The following NKAIN2 variants were observed in gnomAD, a reference collection of about 807,000 sequenced individuals.
The protein encoded by NKAIN2 is sodium/potassium transporting ATPase interacting 2.
In NKAIN2, 14 loss-of-function variants were observed where a neutral mutation model predicts 32.6. The ratio of observed to expected loss-of-function variants is 0.43; its 90% confidence interval spans 0.28 to 0.67. The LOEUF (loss-of-function observed/expected upper bound fraction) is 0.67. Ranked by LOEUF, NKAIN2 falls within the 30% of genes least tolerant of loss-of-function variation. NKAIN2 has a pLI of 0.17. For synonymous variants in NKAIN2, 80 were observed against 87.2 expected, an observed-to-expected ratio of 0.92 and a Z score of 0.46; for missense variants, 198 against 258.3, an observed-to-expected ratio of 0.77 and a Z score of 1.60.
rs190789862 is a variant in NKAIN2, at chr6:124,440,910, G to A, written c.273+85563G>A. On this transcript the variant is annotated intron_variant, in intron 3 of 6. Coordinates refer to ENST00000368417, the MANE Select transcript of NKAIN2 (RefSeq NM_001040214.3). ...GTTCTCTAGGAATGATTGTAAGTAG[G>A]TCCATTCCTACTTTGACTCCATAGT... Among the ~76,000 whole-genome samples, 74 of 152,134 alleles carry A rather than the reference G, an allele frequency of 4.9e-4. 1 individual carries two copies. The highest frequency in any genetic ancestry group is 3.3e-3 in the Admixed American group (51 of 15,254).
At chr6:124,006,487 G>A (rs1035129874) in intron 1 of NKAIN2, among the ~76,000 whole-genome samples, 6 of 152,156 alleles carry the variant, frequency 3.9e-5, no homozygotes, top group African/African-American at 9.7e-5. Context: ...TAGCTTATGC[G>A]GTGCATGTGA....
intron 3 of NKAIN2, among the ~76,000 whole-genome samples, chr6:124,441,153 C>G (rs1329170978): frequency 6.6e-6 from 1 of 151,918 alleles, no homozygotes. Flanking sequence ...ACACTTCTAC[C>G]CCTCTTTTCT....
intron 1 of NKAIN2, among the ~76,000 whole-genome samples, chr6:123,833,726 T>TG (rs1554211809): frequency 7.3e-5 from 11 of 150,126 alleles, no homozygotes; most frequent in African/African-American, 2.7e-4. Context: ...TGTGTGTGTG[T>TG]TTCCTGTGGA....
chr6:124,487,179 A>G (rs558788388), intron 3 of NKAIN2, among the ~76,000 whole-genome samples: 1 of 152,236 alleles, frequency 6.6e-6, no homozygotes, highest in African/African-American at 2.4e-5. Context: ...ATTTCTTTAT[A>G]TATCTAGATG....
chr6:124,751,812 CAATAAATAAATAAATA>C (rs10665653), intron 4 of NKAIN2, among the ~76,000 whole-genome samples: 1 of 134,068 alleles, frequency 7.5e-6, no homozygotes, highest in Admixed American at 7.7e-5. Context: ...GACCCCATCT[CAATAAATAAATAAATA>C]AATAAATAAA....
At chr6:123,910,932 A>G (rs1269089437) in intron 1 of NKAIN2, among the ~76,000 whole-genome samples, 1 of 152,126 alleles carries the variant, frequency 6.6e-6, no homozygotes, top group African/African-American at 2.4e-5. Flanking sequence ...CCGTAACTAT[A>G]CTTTTTAGCT....
At chr6:124,266,971 G>A (rs529812315) in intron 1 of NKAIN2, among the ~76,000 whole-genome samples, 57 of 152,226 alleles carry the variant, frequency 3.7e-4, no homozygotes, top group African/African-American at 1.4e-3. Flanking sequence ...AAGAATTAAC[G>A]AAGTCCAATC....
intron 4 of NKAIN2, among the ~76,000 whole-genome samples, chr6:124,695,654 T>G (rs1033944812): frequency 1.3e-5 from 2 of 152,222 alleles, no homozygotes; most frequent in South Asian, 2.1e-4. Flanking sequence ...ACATTTATTT[T>G]CAGAGGACTA....
chr6:124,034,294 C>G (rs1582964908), intron 1 of NKAIN2, among the ~76,000 whole-genome samples: 1 of 151,972 alleles, frequency 6.6e-6, no homozygotes, highest in South Asian at 2.1e-4. Context: ...CTCCCTCCCT[C>G]TTATGGAGTC....
intron 1 of NKAIN2, among the ~76,000 whole-genome samples, chr6:123,877,452 A>G (rs891211324): frequency 2.0e-5 from 3 of 152,178 alleles, no homozygotes; most frequent in Admixed American, 2.0e-4. Flanking sequence ...CTGTAATTGG[A>G]ATTTTAGATG....
intron 3 of NKAIN2, among the ~76,000 whole-genome samples, chr6:124,613,558 C>A (rs965032530): frequency 2.6e-4 from 39 of 152,090 alleles, no homozygotes; most frequent in Non-Finnish European, 1.8e-4. Flanking sequence ...TAAATACATG[C>A]CCTAGTCTCA....
chr6:124,735,338 A>G (rs1051051457), intron 4 of NKAIN2, among the ~76,000 whole-genome samples: 2 of 151,970 alleles, frequency 1.3e-5, no homozygotes, highest in Admixed American at 6.6e-5. Flanking sequence ...AAGTAGAGAT[A>G]ATCATAATCA....
intron 3 of NKAIN2, among the ~76,000 whole-genome samples, chr6:124,541,678 C>T (rs1779917924): frequency 6.6e-6 from 1 of 152,076 alleles, no homozygotes; most frequent in Non-Finnish European, 1.5e-5. Flanking sequence ...TTAAAACACC[C>T]ACCAATATTT....
chr6:124,508,021 G>C (rs2114765286), intron 3 of NKAIN2, among the ~76,000 whole-genome samples: 1 of 151,788 alleles, frequency 6.6e-6, no homozygotes, highest in South Asian at 2.1e-4. Context: ...GGCAGGCCAA[G>C]GCAGAAGGAT....
intron 1 of NKAIN2, among the ~76,000 whole-genome samples, chr6:124,193,127 G>A (rs9491083): frequency 1.3e-5 from 2 of 152,192 alleles, no homozygotes; most frequent in East Asian, 3.9e-4. Flanking sequence ...ATGTCTTCTA[G>A]ATTATGTTAT....
intron 1 of NKAIN2, among the ~76,000 whole-genome samples, chr6:123,841,229 A>G (rs921972597): frequency 1.3e-5 from 2 of 152,176 alleles, no homozygotes; most frequent in Non-Finnish European, 2.9e-5. Context: ...GAACTTTAAC[A>G]TAGCTCTCTC....
intron 2 of NKAIN2, among the ~76,000 whole-genome samples, chr6:124,328,831 A>G (rs907119073): frequency 6.6e-5 from 10 of 152,182 alleles, no homozygotes; most frequent in Admixed American, 1.3e-4. Flanking sequence ...TTTAAAAATA[A>G]GCCATACTGG....
chr6:124,592,051 A>G (rs1035671208), intron 3 of NKAIN2, among the ~76,000 whole-genome samples: 2 of 152,164 alleles, frequency 1.3e-5, no homozygotes, highest in Non-Finnish European at 2.9e-5. Flanking sequence ...CACTTTCTAT[A>G]CCAACTTTTT....
intron 1 of NKAIN2, among the ~76,000 whole-genome samples, chr6:124,082,638 A>G: frequency 6.7e-6 from 1 of 149,110 alleles, no homozygotes; most frequent in African/African-American, 2.5e-5. Context: ...TGGCCAATAT[A>G]AAAAAAAAAG....
Sources: gnomAD v4.1 joint callset for allele counts (sites outside exome capture counted in the v4.1 genomes callset) on GRCh38, gnomAD v4.1.1 for gene constraint, MANE v1.5 for transcripts, NCBI Gene and HGNC (gene_info 2026-07-23, HGNC 2026-07-21) for gene names.